The following SSBP4 variants were observed in gnomAD, a reference collection of about 807,000 sequenced individuals.
SSBP4 encodes single-stranded DNA-binding protein 4.
SSBP4 carries 33 observed loss-of-function variants against 64.6 expected under a neutral mutation model. The observed-to-expected ratio is 0.51, with a 90% CI of 0.39 to 0.68. The LOEUF (loss-of-function observed/expected upper bound fraction) is 0.68, where lower values mean the gene tolerates loss of function less well. Ranked by LOEUF, SSBP4 falls within the 30% of genes least tolerant of loss-of-function variation. The pLI, the probability that SSBP4 is intolerant of heterozygous loss-of-function variation, is 0.00. For synonymous variants in SSBP4, 243 were observed against 224.0 expected (o/e 1.08, Z -0.76); for missense variants, 583 against 566.8 (o/e 1.03, Z -0.29).
At chr19:18,406,524 T>C in the SSBP4 span, among the ~76,000 whole-genome samples, 2 of 152,042 alleles carry the variant, frequency 1.3e-5, no homozygotes, top group Non-Finnish European at 2.9e-5. Flanking sequence ...GGTGTGCGCC[T>C]GTAGTCCCAG....
intron 1 of SSBP4, among the ~76,000 whole-genome samples, chr19:18,421,399 C>T (rs945555633): frequency 2.6e-5 from 4 of 152,222 alleles, no homozygotes; most frequent in African/African-American, 9.6e-5. Context: ...TGGTCTGTCT[C>T]CTGTGTGTCT....
At chr19:18,404,996 C>A in the SSBP4 span, among the ~76,000 whole-genome samples, 6 of 149,834 alleles carry the variant, frequency 4.0e-5, no homozygotes, top group Admixed American at 1.3e-4. Context: ...CCCCCCCCCC[C>A]GCGAAAGAAA....
the SSBP4 span, among the ~76,000 whole-genome samples, chr19:18,408,738 G>C: frequency 6.6e-6 from 1 of 152,322 alleles, no homozygotes; most frequent in East Asian, 1.9e-4. Context: ...TGATCCGCCT[G>C]CCTTGGCCTC....
chr19:18,419,447 TGCGGCC>T lies in SSBP4; in HGVS notation c.-200_-195del, dbSNP rs1221661957. ...GGAAAGGGAGGAAAAAAAGCCACCC[TGCGGCC>T]GGGGCCGGAGCTGGAGCCGCCGCTG... is the stretch of plus-strand genomic sequence containing the variant. On this transcript the variant is annotated 5_prime_UTR_variant, in exon 1 of 18. Transcript: ENST00000270061. 1 of 1,054,838 alleles carries T rather than the reference TGCGGCC, an allele frequency of 9.5e-7. No homozygotes were observed. Among genetic ancestry groups the T allele is most frequent in the Non-Finnish European group, 1.1e-6 (1 of 877,056 alleles). The allele number at this position is 1,054,838 out of a possible 1,614,324, so 65.3% of individuals were successfully genotyped here.
In SSBP4 at chr19:18,427,131, C is replaced by T. The variant is rs911174198; in HGVS notation, c.60-220C>T. 6.6e-6 allele frequency among the ~76,000 whole-genome samples: 1 copy of T among 152,162 alleles called. No homozygotes were observed. On this transcript the variant is annotated intron_variant, in intron 1 of 17. Coordinates refer to ENST00000270061, the MANE Select transcript of SSBP4 (RefSeq NM_032627.5). The surrounding 1 kb of genome is among the most constrained non-coding windows in gnomAD (Gnocchi z 4.4). ...GGCAGGACATGGCCAGGACTTGGTC[C>T]TCGAGGGAGCGTGGAACACAGCCGA... is the stretch of plus-strand genomic sequence containing the variant.
At chr19:18,416,173 C>T (rs939638859), upstream of SSBP4, among the ~76,000 whole-genome samples, 2 of 152,142 alleles carry the variant, frequency 1.3e-5, no homozygotes. Context: ...CGCCACTACA[C>T]CCAGCTAATT....
chr19:18,419,358 A>C, upstream of SSBP4: 1 of 1,019,488 alleles, frequency 9.8e-7, no homozygotes, highest in Admixed American at 5.7e-5. Flanking sequence ...GCGTAGAGGC[A>C]GCGGGCGGGG....
At chr19:18,412,398 T>G in the SSBP4 span, among the ~76,000 whole-genome samples, 3 of 147,134 alleles carry the variant, frequency 2.0e-5, no homozygotes, top group African/African-American at 7.6e-5. Context: ...AGGTGGAGGT[T>G]TGCAGTGAGT....
chr19:18,413,147 G>GT, the SSBP4 span, among the ~76,000 whole-genome samples: 99,229 of 114,472 alleles, frequency 0.87, 44,566 homozygotes, highest in Non-Finnish European at 0.97. Flanking sequence ...TTTGGTTTGG[G>GT]TTTTTTTTTT....
intron 5 of SSBP4, 28 bp downstream of exon 5, chr19:18,430,958 C>T: frequency 1.2e-6 from 2 of 1,607,314 alleles, no homozygotes; most frequent in Non-Finnish European, 8.5e-7. Flanking sequence ...GTCCACTGGC[C>T]CCCAACTCTG....
At chr19:18,425,349 C>G (rs1236169568) in intron 1 of SSBP4, among the ~76,000 whole-genome samples, 1 of 152,172 alleles carries the variant, frequency 6.6e-6, no homozygotes, top group Non-Finnish European at 1.5e-5. Flanking sequence ...TTACCCCACT[C>G]TGGCCTTTCA....
chr19:18,412,198 C>T, the SSBP4 span, among the ~76,000 whole-genome samples: 1 of 151,764 alleles, frequency 6.6e-6, no homozygotes, highest in African/African-American at 2.4e-5. Context: ...TGCAGTGGTT[C>T]ATGCCTGTAA....
chr19:18,432,336 C>T, intron 10 of SSBP4, 122 bp downstream of exon 10: 1 of 1,373,712 alleles, frequency 7.3e-7, no homozygotes, highest in Admixed American at 2.2e-5. Flanking sequence ...ATTTCATGGC[C>T]ACCGTTGAGG....
chr19:18,422,254 G>A (rs1172074868), intron 1 of SSBP4, among the ~76,000 whole-genome samples: 1 of 152,166 alleles, frequency 6.6e-6, no homozygotes, highest in East Asian at 1.9e-4. Flanking sequence ...AGCCGGGGGT[G>A]GTAGGGTGAG....
At chr19:18,413,844 C>G in the SSBP4 span, among the ~76,000 whole-genome samples, 1 of 152,080 alleles carries the variant, frequency 6.6e-6, no homozygotes, top group Admixed American at 6.5e-5. Context: ...TGGTGAAACC[C>G]CGTCTCTACT....
Position 18,434,387 on chromosome 19 carries a change from AGACTCTT to A in SSBP4, c.*142_*148del, listed in dbSNP as rs1392308629. On this transcript the variant is annotated 3_prime_UTR_variant, in exon 18 of 18. Coordinates refer to ENST00000270061, the MANE Select transcript of SSBP4 (RefSeq NM_032627.5). ...GCCCAGCTGGGAGGCCCCACACGAAAGACTCTTACCATTTTATTAAAAACGCAAGGAC... is the reference window on the plus strand; with the variant it reads ...GCCCAGCTGGGAGGCCCCACACGAAAACCATTTTATTAAAAACGCAAGGAC... 7.1e-7 allele frequency: 1 copy of A among 1,408,896 alleles called. No homozygotes were observed. Among genetic ancestry groups the A allele is most frequent in the Non-Finnish European group, 9.3e-7 (1 of 1,071,706 alleles). 87.3% of individuals were successfully genotyped at this position (1,408,896 alleles called of 1,614,324 possible).
chr19:18,420,066 G>A (rs1972328646), intron 1 of SSBP4: 1 of 138,044 alleles, frequency 7.2e-6, no homozygotes, highest in African/African-American at 2.8e-5. Flanking sequence ...CGGGTCTCGG[G>A]GGTCGCGAGG....
rs1973317893 is a variant in SSBP4, at chr19:18,430,991, G to T, written c.369+61G>T. 9 of 1,571,874 alleles carry T rather than the reference G, an allele frequency of 5.7e-6. No homozygotes were observed. In the South Asian group the frequency reaches 1.0e-4, roughly 18 times the overall value. On this transcript the variant is annotated intron_variant, in intron 5 of 17. Coordinates refer to ENST00000270061, the MANE Select transcript of SSBP4 (RefSeq NM_032627.5). ...CTGGCTGAACATGCGTTTGAGGGTG[G>T]GGGGGGTCCCACGTGGGCAGAGGTC...
Position 18,434,287 on chromosome 19 carries a change from T to C in SSBP4, c.*41T>C, listed in dbSNP as rs1220544354. On this transcript the variant is annotated 3_prime_UTR_variant, in exon 18 of 18. Coordinates refer to ENST00000270061, the MANE Select transcript of SSBP4 (RefSeq NM_032627.5). ...GGGCCTCTCTGCGGGCCTAGGCTTC[T>C]GCCCAGCGCCCCTGCTCAGGGCGAG... The C allele has an allele frequency of 1.2e-6, 2 of 1,608,018 alleles. No homozygotes were observed. The highest frequency in any genetic ancestry group is 1.7e-6 in the Non-Finnish European group (2 of 1,177,862).
Sources: allele counts gnomAD v4.1 joint callset (sites outside exome capture counted in the v4.1 genomes callset), GRCh38; gene constraint gnomAD v4.1.1; non-coding constraint Gnocchi (gnomAD v3.1); transcripts MANE v1.5; gene names NCBI Gene and HGNC (gene_info 2026-07-23, HGNC 2026-07-21).